Variants in SMYD3 observed in about 807,000 individuals in gnomAD.
SMYD3 encodes the protein histone-lysine N-methyltransferase SMYD3.
A neutral mutation model predicts 57.7 loss-of-function variants in SMYD3; 36 were observed. That is an observed-to-expected ratio of 0.62 (90% CI 0.48 to 0.82). The LOEUF (loss-of-function observed/expected upper bound fraction) is 0.82, where lower values mean the gene tolerates loss of function less well. Among genes scored for constraint, SMYD3 ranks in the 40% least tolerant of loss-of-function variants. The probability of loss-of-function intolerance (pLI) is 0.00; values close to 1 mark genes in which losing one functional copy is unlikely to be tolerated. For missense variants in SMYD3, 515 were observed against 538.8 expected, an observed-to-expected ratio of 0.96 and a Z score of 0.44; for synonymous variants, 211 against 195.0, an observed-to-expected ratio of 1.08 and a Z score of -0.68.
intron 5 of SMYD3, among the ~76,000 whole-genome samples, chr1:245,993,960 T>C (rs1004707222): frequency 1.3e-5 from 2 of 152,154 alleles, no homozygotes; most frequent in Non-Finnish European, 2.9e-5. Context: ...CAATATTCCA[T>C]CCAGGGGCTT....
intron 5 of SMYD3, among the ~76,000 whole-genome samples, chr1:245,995,632 A>C (rs983419388): frequency 1.3e-5 from 2 of 152,222 alleles, no homozygotes; most frequent in African/African-American, 4.8e-5. Context: ...AGAAAGCAGA[A>C]ACCATCTGCA....
chr1:246,111,606 G>A (rs941598808), intron 5 of SMYD3: 1 of 152,220 alleles, frequency 6.6e-6, no homozygotes, highest in African/African-American at 2.4e-5. Flanking sequence ...TTTTTGCACA[G>A]CTTAAGACTA....
intron 5 of SMYD3, among the ~76,000 whole-genome samples, chr1:246,230,780 C>T (rs920520691): frequency 6.6e-6 from 1 of 152,172 alleles, no homozygotes; most frequent in Non-Finnish European, 1.5e-5. Context: ...ACTGGCCACA[C>T]GTGGCTGTTG....
At chr1:246,472,522 C>G (rs960274937) in intron 1 of SMYD3, among the ~76,000 whole-genome samples, 5 of 152,140 alleles carry the variant, frequency 3.3e-5, no homozygotes, top group African/African-American at 9.7e-5. Flanking sequence ...ACGGGCAGAT[C>G]AGTTGGGCAC....
At chr1:245,828,535 T>C (rs745544064) in intron 10 of SMYD3, among the ~76,000 whole-genome samples, 65 of 152,200 alleles carry the variant, frequency 4.3e-4, no homozygotes, top group Non-Finnish European at 5.1e-4. Context: ...ATTTTAAAAG[T>C]TTTATTGTAT....
Position 246,364,078 on chromosome 1 carries a change from C to T in SMYD3, c.165-8984G>A, listed in dbSNP as rs562833872. On this transcript the variant is annotated intron_variant, in intron 1 of 11. Coordinates refer to ENST00000490107, the MANE Select transcript of SMYD3 (RefSeq NM_001167740.2). ...GAGGAAGACACTGAACCAAGGGATG[C>T]AGGACAAGCTGGAAAAGGCAAGGAC... is the stretch of plus-strand genomic sequence containing the variant. Among the ~76,000 whole-genome samples, 4 of 152,180 alleles carry T rather than the reference C, an allele frequency of 2.6e-5. No individual in the cohort carries two copies. In the East Asian group the frequency reaches 7.7e-4, roughly 29 times the overall value.
chr1:246,013,466 CA>C (rs2059322610), intron 5 of SMYD3, among the ~76,000 whole-genome samples: 1 of 152,226 alleles, frequency 6.6e-6, no homozygotes, highest in Non-Finnish European at 1.5e-5. Context: ...AGGCATGAGC[CA>C]CTGCACCTGG....
intron 5 of SMYD3, among the ~76,000 whole-genome samples, chr1:246,030,505 C>G (rs781259873): frequency 6.6e-6 from 1 of 152,180 alleles, no homozygotes; most frequent in Non-Finnish European, 1.5e-5. Context: ...CAGCATTGTA[C>G]GCTGAATATG....
At chr1:246,051,432 A>AT (rs2060065533) in intron 5 of SMYD3, among the ~76,000 whole-genome samples, 1 of 152,034 alleles carries the variant, frequency 6.6e-6, no homozygotes, top group Non-Finnish European at 1.5e-5. Flanking sequence ...ATATTAACTT[A>AT]TTTTTTAATA....
chr1:246,224,764 TA>T (rs1324011908), intron 5 of SMYD3, among the ~76,000 whole-genome samples: 2 of 151,964 alleles, frequency 1.3e-5, no homozygotes, highest in Non-Finnish European at 2.9e-5. Flanking sequence ...AAAATGTTAA[TA>T]GGACTTGCTA....
Position 246,355,151 on chromosome 1 carries a change from G to A in SMYD3, c.165-57C>T. On this transcript the variant is annotated intron_variant, in intron 1 of 11. Coordinates refer to ENST00000490107, the MANE Select transcript of SMYD3 (RefSeq NM_001167740.2). This position sits in a 1 kb window ranked among gnomAD's most constrained non-coding sequence, Gnocchi z 5.0. Reference sequence around the variant, plus strand: ...AAATGAGTGGGAAACATAGTACATAGTTGAAGAAAGAAAACATAAGTCAAC... The same window carrying A: ...AAATGAGTGGGAAACATAGTACATAATTGAAGAAAGAAAACATAAGTCAAC... The A allele has an allele frequency of 6.6e-7, 1 of 1,524,310 alleles. No homozygotes were observed. The highest frequency in any genetic ancestry group is 9.1e-7 in the Non-Finnish European group (1 of 1,098,418). 94.4% of individuals were successfully genotyped at this position (1,524,310 alleles called of 1,614,324 possible).
rs1446953024 is a variant in SMYD3 at position 246,452,090 on chromosome 1, GA to G, written c.164+54963del. ...TTTAACATTCTTTTAAATTTTAAAA[GA>G]ATAGATCACTAAACCTAAACTTTTC... On this transcript the variant is annotated intron_variant, in intron 1 of 11. Transcript: ENST00000490107. Among the ~76,000 whole-genome samples, 3 of 152,254 alleles carry G rather than the reference GA, an allele frequency of 2.0e-5. No homozygotes were observed. In the East Asian group the frequency reaches 5.8e-4, roughly 29 times the overall value.
At chr1:245,940,746 T>C (rs911514834) in intron 5 of SMYD3, among the ~76,000 whole-genome samples, 8 of 152,242 alleles carry the variant, frequency 5.3e-5, no homozygotes, top group African/African-American at 1.9e-4. Context: ...CAAAAAGCCA[T>C]AGTGCCTCTT....
At chr1:246,349,487 C>A (rs1443271037) in intron 2 of SMYD3, among the ~76,000 whole-genome samples, 1 of 152,028 alleles carries the variant, frequency 6.6e-6, no homozygotes, top group African/African-American at 2.4e-5. Flanking sequence ...CGCCTGTAGT[C>A]CCAGCTATTT....
chr1:246,253,412 C>T (rs895634560), intron 5 of SMYD3, among the ~76,000 whole-genome samples: 1 of 152,260 alleles, frequency 6.6e-6, no homozygotes, highest in East Asian at 1.9e-4. Flanking sequence ...GAATAATGAC[C>T]TCCAGCTGCA....
chr1:246,007,907 G>T (rs1558146701), intron 5 of SMYD3, among the ~76,000 whole-genome samples: 1 of 151,648 alleles, frequency 6.6e-6, no homozygotes, highest in Non-Finnish European at 1.5e-5. Flanking sequence ...CATTAGAAAA[G>T]AACTAAACTG....
At chr1:246,472,535 G>A (rs2067975162) in intron 1 of SMYD3, among the ~76,000 whole-genome samples, 1 of 152,140 alleles carries the variant, frequency 6.6e-6, no homozygotes, top group Non-Finnish European at 1.5e-5. Context: ...TTGGGCACAG[G>A]AGTTTGAGAC....
intron 1 of SMYD3, among the ~76,000 whole-genome samples, chr1:246,378,725 T>TTATATATAATTATATATAA (rs1491514602): frequency 1.4e-4 from 4 of 28,736 alleles, no homozygotes; most frequent in Non-Finnish European, 3.9e-4. Context: ...ATATAATATA[T>TTATATATAATTATATATAA]TATATATTAT....
At chr1:246,157,399 T>C (rs1205228787) in intron 5 of SMYD3, among the ~76,000 whole-genome samples, 3 of 152,132 alleles carry the variant, frequency 2.0e-5, no homozygotes, top group Admixed American at 2.0e-4. Context: ...CAGCAGCAAT[T>C]CTGTTTCTTA....
Sources: gnomAD v4.1 joint callset for allele counts (sites outside exome capture counted in the v4.1 genomes callset) on GRCh38, gnomAD v4.1.1 for gene constraint, Gnocchi (gnomAD v3.1) non-coding constraint, MANE v1.5 for transcripts, NCBI Gene and HGNC (gene_info 2026-07-23, HGNC 2026-07-21) for gene names.